ALK: variants seen among roughly 807,000 people sequenced by gnomAD.
ALK encodes ALK receptor tyrosine kinase, also known as ALK tyrosine kinase receptor.
A neutral mutation model predicts 163.1 loss-of-function variants in ALK; 74 were observed. The ratio of observed to expected loss-of-function variants is 0.45; its 90% CI spans 0.38 to 0.55. ALK has a LOEUF of 0.55. Ranked by LOEUF, ALK falls within the 20% of genes least tolerant of loss-of-function variation. The probability of loss-of-function intolerance (pLI) is 0.00; values close to 1 mark genes in which losing one functional copy is unlikely to be tolerated. For missense variants in ALK, 2,063 were observed against 2,105.3 expected (o/e 0.98, Z 0.39); for synonymous variants, 960 against 843.2 (o/e 1.14, Z -2.40).
intron 1 of ALK, among the ~76,000 whole-genome samples, chr2:29,815,784 C>G (rs1336134221): frequency 2.6e-5 from 4 of 152,208 alleles, no homozygotes; most frequent in Non-Finnish European, 5.9e-5. Context: ...TGATGCGCCC[C>G]TGAGACACTG....
At chr2:29,641,440 C>T (rs188477738) in intron 3 of ALK, among the ~76,000 whole-genome samples, 3 of 152,104 alleles carry the variant, frequency 2.0e-5, no homozygotes, top group Admixed American at 1.3e-4. Flanking sequence ...AAGTCCAGTA[C>T]ATTGTGAGTT....
At chr2:29,556,045 C>T (rs1456558872) in intron 3 of ALK, among the ~76,000 whole-genome samples, 1 of 152,176 alleles carries the variant, frequency 6.6e-6, no homozygotes, top group Non-Finnish European at 1.5e-5. Context: ...CATCTGTATG[C>T]CCCCTCAGTG....
At chr2:29,490,121 C>T (rs1351689718) in intron 4 of ALK, among the ~76,000 whole-genome samples, 4 of 152,184 alleles carry the variant, frequency 2.6e-5, no homozygotes, top group East Asian at 1.9e-4. Context: ...GGCTAGGCAG[C>T]GAGTATGCCT....
At position 29,456,106 on chromosome 2, in the gene ALK, G is replaced by A. The variant is rs544787886; in HGVS notation, c.1155-72247C>T. On this transcript the variant is annotated intron_variant, in intron 4 of 28. Coordinates refer to ENST00000389048, the MANE Select transcript of ALK (RefSeq NM_004304.5). ...AGGTGGAGGAGAAATTGGAACCCTC[G>A]TGCATTGCTGCTGGGAATGTAAAAT... Among the ~76,000 whole-genome samples, 25 of 152,166 alleles carry A rather than the reference G, an allele frequency of 1.6e-4. 1 individual carries two copies. Among genetic ancestry groups the A allele is most frequent in the Non-Finnish European group, 2.4e-4 (16 of 68,020 alleles).
chr2:29,852,988 GA>G (rs1340528002), intron 1 of ALK, among the ~76,000 whole-genome samples: 1 of 152,086 alleles, frequency 6.6e-6, no homozygotes, highest in Non-Finnish European at 1.5e-5. Flanking sequence ...CAGTATCCAG[GA>G]CTGTGAGAAA....
intron 1 of ALK, among the ~76,000 whole-genome samples, chr2:29,878,265 G>C (rs1006485742): frequency 1.1e-4 from 17 of 152,182 alleles, no homozygotes; most frequent in African/African-American, 4.1e-4. Flanking sequence ...AAGAGGCACA[G>C]AAATCGAGAG....
At chr2:29,894,025 G>A (rs770660643) in intron 1 of ALK, among the ~76,000 whole-genome samples, 1 of 152,162 alleles carries the variant, frequency 6.6e-6, no homozygotes, top group African/African-American at 2.4e-5. Flanking sequence ...CTGGTGATAC[G>A]AATGAAGAAA....
chr2:29,496,382 C>A (rs1558350730), intron 4 of ALK, among the ~76,000 whole-genome samples: 1 of 152,184 alleles, frequency 6.6e-6, no homozygotes, highest in Non-Finnish European at 1.5e-5. Flanking sequence ...TAGATTCACA[C>A]TTGGTTCAGG....
At chr2:29,756,963 A>G (rs1352592551) in intron 1 of ALK, among the ~76,000 whole-genome samples, 1 of 152,178 alleles carries the variant, frequency 6.6e-6, no homozygotes, top group African/African-American at 2.4e-5. Flanking sequence ...ACACAGATAA[A>G]CAGTATCAGG....
intron 11 of ALK, among the ~76,000 whole-genome samples, chr2:29,255,104 C>T (rs1437162156): frequency 1.3e-5 from 2 of 152,190 alleles, no homozygotes; most frequent in African/African-American, 2.4e-5. Context: ...GTCCTCGCTG[C>T]CTTGGATGGC....
intron 3 of ALK, among the ~76,000 whole-genome samples, chr2:29,547,529 G>A (rs150266985): frequency 0.032 from 4,864 of 152,264 alleles, 258 homozygotes; most frequent in African/African-American, 0.11. Context: ...CCAGGGAGGC[G>A]GAGGTTGCAG....
intron 1 of ALK, among the ~76,000 whole-genome samples, chr2:29,737,999 T>C (rs1333170291): frequency 6.6e-6 from 1 of 151,960 alleles, no homozygotes; most frequent in East Asian, 1.9e-4. Flanking sequence ...TGGGCCTAAT[T>C]TGAGCCCTGA....
At chr2:29,810,571 CA>C (rs1423786218) in intron 1 of ALK, among the ~76,000 whole-genome samples, 12 of 152,140 alleles carry the variant, frequency 7.9e-5, no homozygotes, top group African/African-American at 2.7e-4. Flanking sequence ...GTGAAGAGAT[CA>C]GGGGCAGAGT....
chr2:29,695,334 G>T (rs1678522649), intron 2 of ALK, among the ~76,000 whole-genome samples: 1 of 152,192 alleles, frequency 6.6e-6, no homozygotes, highest in East Asian at 1.9e-4. Flanking sequence ...GCCTGAGGGT[G>T]AGTGGGCAGA....
At chr2:29,675,537 A>G (rs1037702800) in intron 3 of ALK, among the ~76,000 whole-genome samples, 1 of 152,018 alleles carries the variant, frequency 6.6e-6, no homozygotes, top group Non-Finnish European at 1.5e-5. Flanking sequence ...CCGAACCCTC[A>G]GTACCTTGAA....
chr2:29,367,636 G>A (rs1450080772), intron 5 of ALK, among the ~76,000 whole-genome samples: 2 of 152,190 alleles, frequency 1.3e-5, no homozygotes, highest in Non-Finnish European at 2.9e-5. Flanking sequence ...GCTGGGGTGC[G>A]TACATAATTG....
intron 3 of ALK, among the ~76,000 whole-genome samples, chr2:29,639,396 A>C (rs561324603): frequency 6.6e-6 from 1 of 152,300 alleles, no homozygotes; most frequent in East Asian, 1.9e-4. Context: ...CCACCCACAG[A>C]TAGGAACCCT....
chr2:29,883,108 G>A (rs1196841141), intron 1 of ALK, among the ~76,000 whole-genome samples: 1 of 149,036 alleles, frequency 6.7e-6, no homozygotes, highest in Non-Finnish European at 1.5e-5. Context: ...GAGGAAGGAA[G>A]AAAGGAAGGG....
chr2:29,574,770 A>G (rs964819041), intron 3 of ALK, among the ~76,000 whole-genome samples: 2 of 152,184 alleles, frequency 1.3e-5, no homozygotes, highest in Admixed American at 1.3e-4. Context: ...TCTCTCAGCT[A>G]CTGCTTAGGT....
Sources: gnomAD v4.1 joint callset for allele counts (sites outside exome capture counted in the v4.1 genomes callset) on GRCh38, gnomAD v4.1.1 for gene constraint, MANE v1.5 for transcripts, NCBI Gene and HGNC (gene_info 2026-07-23, HGNC 2026-07-21) for gene names.